The following ULK4 variants were observed in gnomAD, a reference collection of about 807,000 sequenced individuals.
The protein encoded by ULK4 is inactive serine/threonine-protein kinase ULK4.
A neutral mutation model predicts 160.6 loss-of-function variants in ULK4; 133 were observed. The observed-to-expected ratio is 0.83, with a 90% CI of 0.72 to 0.96. ULK4 has a LOEUF of 0.96. Among genes scored for constraint, ULK4 ranks in the 40% least tolerant of loss-of-function variants. The pLI is 0.00. For missense variants in ULK4, 1,580 were observed against 1,499.5 expected, an observed-to-expected ratio of 1.05 and a Z score of -0.89; for synonymous variants, 534 against 539.8, an observed-to-expected ratio of 0.99 and a Z score of 0.15.
chr3:41,903,574 G>C (rs1312840960), intron 12 of ULK4, among the ~76,000 whole-genome samples: 1 of 130,870 alleles, frequency 7.6e-6, no homozygotes, highest in Non-Finnish European at 1.6e-5. Context: ...AACAGAGCGA[G>C]ACTCTGTCTC....
intron 2 of ULK4, among the ~76,000 whole-genome samples, chr3:41,945,394 C>T (rs1700083584): frequency 6.6e-6 from 1 of 152,144 alleles, no homozygotes; most frequent in Admixed American, 6.5e-5. Context: ...CAGTTTGTAG[C>T]TCCCCAGAGC....
chr3:41,708,678 G>A (rs139410623), intron 25 of ULK4, among the ~76,000 whole-genome samples: 1 of 152,258 alleles, frequency 6.6e-6, no homozygotes, highest in East Asian at 1.9e-4. Context: ...CGAAACAGAG[G>A]TTGCAGTAGG....
chr3:41,289,002 C>T (rs1052428408), intron 35 of ULK4, among the ~76,000 whole-genome samples: 1 of 152,192 alleles, frequency 6.6e-6, no homozygotes, highest in African/African-American at 2.4e-5. Context: ...TCGGAGCACA[C>T]AGTGGGTGTG....
intron 35 of ULK4, among the ~76,000 whole-genome samples, chr3:41,281,986 A>T (rs1296601731): frequency 1.3e-5 from 2 of 152,194 alleles, no homozygotes; most frequent in East Asian, 3.8e-4. Context: ...CAAAAATCAC[A>T]AGCATTCCTA....
chr3:41,263,227 A>G (rs1215904972), intron 35 of ULK4, among the ~76,000 whole-genome samples: 1 of 152,224 alleles, frequency 6.6e-6, no homozygotes, highest in East Asian at 1.9e-4. Flanking sequence ...AACCTGATCC[A>G]AGCAAATACT....
At chr3:41,728,580 G>A (rs1174855680) in intron 22 of ULK4, among the ~76,000 whole-genome samples, 2 of 152,038 alleles carry the variant, frequency 1.3e-5, no homozygotes, top group Admixed American at 1.3e-4. Flanking sequence ...CCAAACTCTA[G>A]AAGCCATTAG....
At chr3:41,620,072 G>A (rs1377042162) in intron 30 of ULK4, among the ~76,000 whole-genome samples, 2 of 152,004 alleles carry the variant, frequency 1.3e-5, no homozygotes, top group East Asian at 1.9e-4. Flanking sequence ...TGAAGAACTC[G>A]AATCCCTGAA....
chr3:41,470,708 A>G (rs1454276984), intron 32 of ULK4, among the ~76,000 whole-genome samples: 1 of 152,198 alleles, frequency 6.6e-6, no homozygotes, highest in Non-Finnish European at 1.5e-5. Context: ...TCTGATATCA[A>G]AAACATAAAA....
At chr3:41,901,172 CTTTTTTTTT>C (rs201425733) in intron 12 of ULK4, among the ~76,000 whole-genome samples, 5 of 119,916 alleles carry the variant, frequency 4.2e-5, no homozygotes, top group East Asian at 2.2e-4. Context: ...AGCATGGCTT[CTTTTTTTTT>C]TTTTTTTTTT....
chr3:41,512,666 G>C (rs2085619175), intron 32 of ULK4, among the ~76,000 whole-genome samples: 2 of 152,102 alleles, frequency 1.3e-5, no homozygotes, highest in Non-Finnish European at 2.9e-5. Context: ...TCATGAATGG[G>C]TAGAGTCAAT....
chr3:41,274,766 T>C (rs1022035712), intron 35 of ULK4, among the ~76,000 whole-genome samples: 9 of 152,238 alleles, frequency 5.9e-5, no homozygotes, highest in East Asian at 1.9e-4. Flanking sequence ...TTCTACTCTA[T>C]GGAGCTGTGT....
intron 21 of ULK4, among the ~76,000 whole-genome samples, chr3:41,776,370 T>A (rs1007344441): frequency 1.3e-5 from 2 of 150,860 alleles, no homozygotes; most frequent in Non-Finnish European, 2.9e-5. Flanking sequence ...CAAAGACAGT[T>A]ATGTAAATTT....
intron 31 of ULK4, among the ~76,000 whole-genome samples, chr3:41,610,601 G>T (rs761453920): frequency 6.6e-6 from 1 of 152,122 alleles, no homozygotes; most frequent in South Asian, 2.1e-4. Flanking sequence ...AGGCCTCAAG[G>T]GTCCATAAAG....
intron 32 of ULK4, among the ~76,000 whole-genome samples, chr3:41,481,468 G>T (rs1396890214): frequency 6.6e-6 from 1 of 152,150 alleles, no homozygotes; most frequent in African/African-American, 2.4e-5. Flanking sequence ...TAAAGGAACA[G>T]ATTAATAACA....
chr3:41,570,260 T>G (rs2087924441), intron 31 of ULK4, among the ~76,000 whole-genome samples: 1 of 152,222 alleles, frequency 6.6e-6, no homozygotes, highest in South Asian at 2.1e-4. Flanking sequence ...CTAAAAATTT[T>G]GAACTTCAGA....
intron 18 of ULK4, among the ~76,000 whole-genome samples, chr3:41,822,846 C>A (rs1403334046): frequency 2.0e-5 from 3 of 151,478 alleles, no homozygotes; most frequent in African/African-American, 7.3e-5. Flanking sequence ...CTCAGCCTCC[C>A]AAGTAGCTGG....
chr3:41,557,162 C>T (rs1025303781), intron 32 of ULK4, among the ~76,000 whole-genome samples: 1 of 151,878 alleles, frequency 6.6e-6, no homozygotes, highest in South Asian at 2.1e-4. Flanking sequence ...AAGCATTTGA[C>T]AAATGTCATT....
rs529551731 is a variant in ULK4 at position 41,643,917 on chromosome 3, A to C, written c.3071+19690T>G. On this transcript the variant is annotated intron_variant, in intron 30 of 36. Transcript: ENST00000301831. Reference sequence around the variant, plus strand: ...TGAAGAGGTCCTTCACATCCCTTGTAAGTTGGATTCCTAGGTATTTTATTC... The same window carrying C: ...TGAAGAGGTCCTTCACATCCCTTGTCAGTTGGATTCCTAGGTATTTTATTC... Among the ~76,000 whole-genome samples, 495 of 152,120 alleles carry C rather than the reference A, an allele frequency of 3.3e-3. 1 individual carries two copies. Among genetic ancestry groups the C allele is most frequent in the Non-Finnish European group, 3.5e-3 (238 of 67,998 alleles).
chr3:41,521,525 C>T (rs763414591), intron 32 of ULK4, among the ~76,000 whole-genome samples: 10 of 151,990 alleles, frequency 6.6e-5, no homozygotes, highest in Non-Finnish European at 1.5e-4. Flanking sequence ...ACTCTAAGAT[C>T]CTATTTGTGG....
Sources: gnomAD v4.1 joint callset for allele counts (sites outside exome capture counted in the v4.1 genomes callset) on GRCh38, gnomAD v4.1.1 for gene constraint, MANE v1.5 for transcripts, NCBI Gene and HGNC (gene_info 2026-07-23, HGNC 2026-07-21) for gene names.